Variants in XKR6 observed in about 807,000 individuals in gnomAD.
XKR6 encodes the protein XK related 6, also known as XK-related protein 6.
Under a neutral mutation model 56.7 loss-of-function variants are expected in XKR6, and 22 were observed. The ratio of observed to expected loss-of-function variants is 0.39; its 90% CI spans 0.28 to 0.55. The LOEUF (loss-of-function observed/expected upper bound fraction) is 0.55. XKR6 is among the 20% of genes least tolerant of loss of function. The pLI, the probability that XKR6 is intolerant of heterozygous loss-of-function variation, is 0.66. For missense variants in XKR6, 852 were observed against 889.0 expected (o/e 0.96, Z 0.53); for synonymous variants, 524 against 387.8 (o/e 1.35, Z -4.13).
chr8:10,938,977 C>T (rs1004112109), intron 1 of XKR6, among the ~76,000 whole-genome samples: 1 of 151,986 alleles, frequency 6.6e-6, no homozygotes, highest in Non-Finnish European at 1.5e-5. Flanking sequence ...AGTGAGGGGC[C>T]CTAAAGCTTA....
intron 1 of XKR6, among the ~76,000 whole-genome samples, chr8:11,184,374 T>G (rs1444234201): frequency 7.0e-6 from 1 of 143,570 alleles, no homozygotes; most frequent in Non-Finnish European, 1.5e-5. Flanking sequence ...ATTTTATATA[T>G]ATATATACAC....
chr8:11,179,441 T>A (rs1451078575), intron 1 of XKR6, among the ~76,000 whole-genome samples: 1 of 152,204 alleles, frequency 6.6e-6, no homozygotes, highest in Non-Finnish European at 1.5e-5. Flanking sequence ...CACCAGTCCC[T>A]CCAGGTTGGC....
At chr8:11,015,277 T>C (rs1798592979) in intron 1 of XKR6, among the ~76,000 whole-genome samples, 1 of 152,130 alleles carries the variant, frequency 6.6e-6, no homozygotes, top group Admixed American at 6.5e-5. Context: ...CCTCTCATGC[T>C]GCACTTTTAT....
chr8:10,955,687 T>C (rs35910832), intron 1 of XKR6, among the ~76,000 whole-genome samples: 87,072 of 152,032 alleles, frequency 0.57, 27,558 homozygotes, highest in African/African-American at 0.84. Flanking sequence ...GGTTCTGTTT[T>C]CCCTGCCAGA....
chr8:11,176,324 C>T (rs545320061), intron 1 of XKR6, among the ~76,000 whole-genome samples: 9 of 152,062 alleles, frequency 5.9e-5, no homozygotes, highest in Non-Finnish European at 8.8e-5. Flanking sequence ...GAATCAGAAA[C>T]GGAGGTTTAG....
intron 1 of XKR6, among the ~76,000 whole-genome samples, chr8:11,128,590 T>C (rs1799944727): frequency 6.6e-6 from 1 of 152,190 alleles, no homozygotes; most frequent in African/African-American, 2.4e-5. Flanking sequence ...TTTAATGATG[T>C]TTATCCAAGT....
intron 1 of XKR6, among the ~76,000 whole-genome samples, chr8:11,164,934 C>T (rs1472228433): frequency 6.6e-6 from 1 of 152,096 alleles, no homozygotes; most frequent in East Asian, 1.9e-4. Flanking sequence ...TACCTTCCCA[C>T]TTCACCTTAC....
intron 1 of XKR6, among the ~76,000 whole-genome samples, chr8:11,075,669 G>T (rs1800255194): frequency 6.6e-6 from 1 of 152,138 alleles, no homozygotes; most frequent in African/African-American, 2.4e-5. Context: ...TGGATCATGA[G>T]GTCATGAGTT....
chr8:11,115,326 T>C (rs10503414), intron 1 of XKR6, among the ~76,000 whole-genome samples: 1,648 of 152,356 alleles, frequency 0.011, 8 homozygotes, highest in South Asian at 0.025. Context: ...TCAGGCTATT[T>C]TGAAAGGTTA....
chr8:10,966,579 C>T (rs1157500004), intron 1 of XKR6, among the ~76,000 whole-genome samples: 2 of 152,152 alleles, frequency 1.3e-5, no homozygotes, highest in Non-Finnish European at 2.9e-5. Context: ...GAGGCTGAGG[C>T]AGAAGAATGG....
intron 1 of XKR6, among the ~76,000 whole-genome samples, chr8:11,160,911 CAAAAAAAAA>C (rs33931830): frequency 4.7e-5 from 3 of 63,786 alleles, no homozygotes; most frequent in South Asian, 1.3e-3. Flanking sequence ...GACTCCGTCT[CAAAAAAAAA>C]AAAAAAAAAA....
At chr8:11,059,625 G>C (rs1328927784) in intron 1 of XKR6, among the ~76,000 whole-genome samples, 1 of 151,246 alleles carries the variant, frequency 6.6e-6, no homozygotes, top group Admixed American at 6.6e-5. Context: ...GGGGGCGCGG[G>C]GGGCGCGGGG....
At chr8:11,066,162 A>C (rs1799972117) in intron 1 of XKR6, among the ~76,000 whole-genome samples, 1 of 152,194 alleles carries the variant, frequency 6.6e-6, no homozygotes, top group Admixed American at 6.5e-5. Context: ...CTTATCTCTA[A>C]GACAGCCCTC....
chr8:10,925,937 A>T (rs2129117679), intron 1 of XKR6, among the ~76,000 whole-genome samples: 2 of 152,254 alleles, frequency 1.3e-5, no homozygotes, highest in South Asian at 4.2e-4. Context: ...CTCACCCAGA[A>T]GCAAGGGCCA....
At chr8:10,913,553 A>G (rs1800470653) in intron 2 of XKR6, among the ~76,000 whole-genome samples, 1 of 152,186 alleles carries the variant, frequency 6.6e-6, no homozygotes, top group Admixed American at 6.5e-5. Context: ...TGCCAAGAGC[A>G]GATGTCATCA....
At chr8:11,034,495 T>C (rs1385588187) in intron 1 of XKR6, among the ~76,000 whole-genome samples, 1 of 152,108 alleles carries the variant, frequency 6.6e-6, no homozygotes, top group African/African-American at 2.4e-5. Flanking sequence ...CCAGAGAATA[T>C]GGGTACCTGA....
chr8:10,930,008 G>T (rs1033634644), intron 1 of XKR6, among the ~76,000 whole-genome samples: 3 of 152,180 alleles, frequency 2.0e-5, no homozygotes, highest in Non-Finnish European at 4.4e-5. Flanking sequence ...TTTTCCTGCT[G>T]GCTCGTCTGA....
chr8:11,187,220 G>C (rs781778766), intron 1 of XKR6, among the ~76,000 whole-genome samples: 4 of 152,174 alleles, frequency 2.6e-5, no homozygotes, highest in African/African-American at 7.2e-5. Context: ...CCTATGGCTA[G>C]GTTTTGGAGG....
intron 1 of XKR6, among the ~76,000 whole-genome samples, chr8:11,073,960 G>A (rs747254018): frequency 6.6e-6 from 1 of 152,186 alleles, no homozygotes; most frequent in Non-Finnish European, 1.5e-5. Context: ...CAGACACACA[G>A]AGAACACCCA....
Sources: gnomAD v4.1 joint callset for allele counts (sites outside exome capture counted in the v4.1 genomes callset) on GRCh38, gnomAD v4.1.1 for gene constraint, MANE v1.5 for transcripts, NCBI Gene and HGNC (gene_info 2026-07-23, HGNC 2026-07-21) for gene names.